Variants in MTA3 observed in about 807,000 individuals in gnomAD.
The protein encoded by MTA3 is metastasis associated 1 family member 3, also known as metastasis-associated protein MTA3.
A neutral mutation model predicts 83.5 loss-of-function variants in MTA3; 34 were observed. The observed-to-expected ratio is 0.41, with a 90% CI of 0.31 to 0.54. The LOEUF is 0.54. Ranked by LOEUF, MTA3 falls within the 20% of genes least tolerant of loss-of-function variation. MTA3 has a pLI of 0.33. For synonymous variants in MTA3, 303 were observed against 252.7 expected, an observed-to-expected ratio of 1.20 and a Z score of -1.89; for missense variants, 761 against 726.4, an observed-to-expected ratio of 1.05 and a Z score of -0.55.
intron 4 of MTA3, among the ~76,000 whole-genome samples, chr2:42,638,016 T>C (rs957570745): frequency 2.6e-5 from 4 of 152,138 alleles, no homozygotes; most frequent in African/African-American, 9.7e-5. Context: ...TTTTTTCTTC[T>C]CCACTATCAC....
At chr2:42,648,207 G>A (rs1688396885) in intron 6 of MTA3, among the ~76,000 whole-genome samples, 1 of 152,182 alleles carries the variant, frequency 6.6e-6, no homozygotes, top group South Asian at 2.1e-4. Context: ...AGGTATACCA[G>A]TAATTAACCA....
In MTA3 at chr2:42,548,813, AT is replaced by A. The variant is rs1676884129; in HGVS notation, c.-140-21623del. 4.2e-3 allele frequency among the ~76,000 whole-genome samples: 153 copies of A among 36,652 alleles called. 23 individuals are homozygous for A. Among genetic ancestry groups the A allele is most frequent in the African/African-American group, 0.02 (139 of 6,784 alleles). The allele number at this position is 36,652 out of a possible 152,430, so 24.0% of individuals were successfully genotyped here. The stretch of plus-strand genomic sequence containing the variant: ...GTGAGACCCTGTCTCAAAAAAAAAT[AT>A]ATATATATATATATAATATATATAT... On this transcript the variant is annotated intron_variant, in intron 2 of 17. Transcript: ENST00000405592.
intron 16 of MTA3, among the ~76,000 whole-genome samples, chr2:42,748,201 TTGTGTGTGTGTGTGTGTGTG>T (rs61339061): frequency 1.5e-5 from 2 of 137,618 alleles, no homozygotes; most frequent in Admixed American, 1.5e-4. Flanking sequence ...GCTAATGTGT[TTGTGTGTGTGTGTGTGTGTG>T]TGTGTGTGTG....
intron 8 of MTA3, 80 bp from the exon 9 acceptor site, chr2:42,682,321 T>C: frequency 2.0e-6 from 2 of 1,004,502 alleles, no homozygotes; most frequent in South Asian, 2.3e-5. Context: ...GTACATCATA[T>C]ATTTTAGTGT....
At chr2:42,619,780 A>G (rs146311321) in intron 4 of MTA3, among the ~76,000 whole-genome samples, 16 of 152,264 alleles carry the variant, frequency 1.1e-4, no homozygotes, top group African/African-American at 1.7e-4. Context: ...AATCAAGACT[A>G]TTTTCATAAC....
chr2:42,723,696 T>A (rs1487572969), intron 16 of MTA3, among the ~76,000 whole-genome samples: 1 of 152,208 alleles, frequency 6.6e-6, no homozygotes, highest in East Asian at 1.9e-4. Context: ...GCAGTATATG[T>A]TCTTCATTTC....
intron 6 of MTA3, among the ~76,000 whole-genome samples, chr2:42,645,048 A>G (rs957420855): frequency 2.0e-5 from 3 of 152,152 alleles, no homozygotes; most frequent in Non-Finnish European, 4.4e-5. Flanking sequence ...GTCAGAAGCC[A>G]AGATAGGCTA....
chr2:42,495,441 T>C (rs1674087886), intron 2 of MTA3, among the ~76,000 whole-genome samples: 1 of 152,220 alleles, frequency 6.6e-6, no homozygotes, highest in South Asian at 2.1e-4. Flanking sequence ...GTATCTATTT[T>C]GCTATTTAGT....
At chr2:42,533,083 CTTTTTTTT>C in intron 2 of MTA3, 1 of 116,500 alleles carries the variant, frequency 8.6e-6, no homozygotes, top group Middle Eastern at 4.3e-3. Context: ...GTGGGGCATT[CTTTTTTTT>C]TTTTTTTTTT....
At chr2:42,722,259 C>T (rs1667462462) in intron 15 of MTA3, among the ~76,000 whole-genome samples, 1 of 152,174 alleles carries the variant, frequency 6.6e-6, no homozygotes, top group South Asian at 2.1e-4. Context: ...AACAATATAC[C>T]TTTGTTAAAC....
intron 3 of MTA3, among the ~76,000 whole-genome samples, chr2:42,586,375 A>G (rs1473442210): frequency 6.6e-6 from 1 of 150,384 alleles, no homozygotes; most frequent in Non-Finnish European, 1.5e-5. Context: ...ACTTGAGTCC[A>G]GGAGTTGGAG....
At chr2:42,622,179 G>T (rs556545320) in intron 4 of MTA3, among the ~76,000 whole-genome samples, 5 of 152,350 alleles carry the variant, frequency 3.3e-5, no homozygotes, top group Non-Finnish European at 7.3e-5. Context: ...GAGGCTGGCA[G>T]ATCACTCGCG....
At chr2:42,742,093 G>A (rs1669078386) in intron 16 of MTA3, among the ~76,000 whole-genome samples, 2 of 151,574 alleles carry the variant, frequency 1.3e-5, no homozygotes, top group South Asian at 2.1e-4. Context: ...ATATAGTGGG[G>A]TATTTTTCTT....
Position 42,751,249 on chromosome 2 carries a change from AAAAC to A in MTA3, c.1760-2113_1760-2110del, listed in dbSNP as rs147566697. Among the ~76,000 whole-genome samples, 418 of 152,286 alleles carry A rather than the reference AAAAC, an allele frequency of 2.7e-3. 2 individuals are homozygous for A. Among genetic ancestry groups the A allele is most frequent in the African/African-American group, 9.2e-3 (382 of 41,534 alleles). On this transcript the variant is annotated intron_variant, in intron 16 of 16. Coordinates refer to ENST00000405094, the MANE Select transcript of MTA3 (RefSeq NM_001330442.2). ...CAAACCATTAGGGAAAATTTTGCAA[AAAAC>A]AAACAAACAAAAAAATAAGTGCCTG...
chr2:42,525,474 A>ATTTC (rs1197751143), intron 2 of MTA3, among the ~76,000 whole-genome samples: 2 of 54,216 alleles, frequency 3.7e-5, no homozygotes, highest in African/African-American at 1.8e-4. Flanking sequence ...TGCTAGGATC[A>ATTTC]ATTCCTTCCT....
At chr2:42,579,888 T>C (rs1467849177) in intron 3 of MTA3, among the ~76,000 whole-genome samples, 1 of 152,138 alleles carries the variant, frequency 6.6e-6, no homozygotes, top group East Asian at 1.9e-4. Context: ...GGAGGAAATT[T>C]ATACTTCACT....
chr2:42,532,021 G>A (rs1676003363), intron 2 of MTA3, among the ~76,000 whole-genome samples: 1 of 152,186 alleles, frequency 6.6e-6, no homozygotes, highest in African/African-American at 2.4e-5. Flanking sequence ...CTCCCAAAGT[G>A]TTGGGATTAT....
chr2:42,642,003 C>T (rs1346445610), intron 5 of MTA3, among the ~76,000 whole-genome samples: 1 of 152,070 alleles, frequency 6.6e-6, no homozygotes, highest in Non-Finnish European at 1.5e-5. Flanking sequence ...AAGAACTCTG[C>T]ACTTGTACCC....
chr2:42,579,243 TG>T, intron 3 of MTA3, 43 bp downstream of exon 3: 4 of 1,415,106 alleles, frequency 2.8e-6, no homozygotes, highest in Non-Finnish European at 3.9e-6. Flanking sequence ...TTAAGTCTTG[TG>T]TTTTTTGTGA....
Sources: gnomAD v4.1 joint callset for allele counts (sites outside exome capture counted in the v4.1 genomes callset) on GRCh38, gnomAD v4.1.1 for gene constraint, MANE v1.5 for transcripts, NCBI Gene and HGNC (gene_info 2026-07-23, HGNC 2026-07-21) for gene names.